C10orf90: variants seen among roughly 807,000 people sequenced by gnomAD.
C10orf90 encodes chromosome 10 open reading frame 90.
A neutral mutation model predicts 62.5 loss-of-function variants in C10orf90; 56 were observed. The observed-to-expected ratio is 0.90, with a 90% CI of 0.72 to 1.12. The LOEUF (loss-of-function observed/expected upper bound fraction) is 1.12. C10orf90 is among the 50% of genes most tolerant of loss of function. The pLI is 0.00. For synonymous variants in C10orf90, 386 were observed against 340.4 expected (o/e 1.13, Z -1.47); for missense variants, 970 against 880.4 (o/e 1.10, Z -1.29).
In C10orf90 at chr10:126,504,631, T is replaced by C; in HGVS notation, c.860A>G (p.Gln287Arg). Residue 287 changes from glutamine to arginine, a missense_variant, in exon 4 of 10, where the codon CAG (glutamine) becomes CGG (arginine). Physicochemically the swap from Gln to Arg is conservative, Grantham distance 43 (BLOSUM62 1). Coordinates refer to ENST00000488181, the MANE Select transcript of C10orf90 (RefSeq NM_001350921.2). The surrounding 1 kb of genome is among the most constrained non-coding windows in gnomAD (Gnocchi z 4.1). Reference protein sequence around the residue: ...LANGAHPGRHQRSFACTEFSR... With the variant: ...LANGAHPGRHRRSFACTEFSR... ...GAACTCTGTGCAGGCAAAAGATCTC[T>C]GATGCCGACCTGGATGGGCGCCATT... is the stretch of plus-strand genomic sequence containing the variant. 1 of 1,614,240 alleles carries C rather than the reference T, an allele frequency of 6.2e-7. No individual in the cohort carries two copies. The highest frequency in any genetic ancestry group is 8.5e-7 in the Non-Finnish European group (1 of 1,180,052).
intron 4 of C10orf90, among the ~76,000 whole-genome samples, chr10:126,491,640 C>T (rs1307629694): frequency 2.0e-5 from 3 of 152,242 alleles, no homozygotes; most frequent in South Asian, 2.1e-4. Context: ...CCTTCAAATC[C>T]GCAGACGGAA....
intron 4 of C10orf90, among the ~76,000 whole-genome samples, chr10:126,493,078 C>T (rs1473542836): frequency 6.6e-6 from 1 of 150,878 alleles, no homozygotes; most frequent in Non-Finnish European, 1.5e-5. Context: ...GTTCGTTCGA[C>T]AGGTACTGGA....
At chr10:126,593,777 T>G (rs568706053) in intron 2 of C10orf90, among the ~76,000 whole-genome samples, 1 of 150,506 alleles carries the variant, frequency 6.6e-6, no homozygotes, top group South Asian at 2.1e-4. Flanking sequence ...CCTGTAGTTT[T>G]AAAAAGTTTT....
chr10:126,557,423 T>C (rs1864801985), intron 2 of C10orf90, among the ~76,000 whole-genome samples: 1 of 147,468 alleles, frequency 6.8e-6, no homozygotes, highest in Non-Finnish European at 1.5e-5. Context: ...GAGCTTGCAG[T>C]GAGCGGAGAT....
intron 4 of C10orf90, among the ~76,000 whole-genome samples, chr10:126,475,466 A>G (rs949384356): frequency 2.6e-5 from 4 of 152,198 alleles, no homozygotes; most frequent in Non-Finnish European, 5.9e-5. Flanking sequence ...ATATTGGCAC[A>G]TCGACTCACC....
chr10:126,584,717 A>C (rs1169021777), intron 2 of C10orf90, among the ~76,000 whole-genome samples: 1 of 152,114 alleles, frequency 6.6e-6, no homozygotes, highest in African/African-American at 2.4e-5. Flanking sequence ...AGAGGAGCTG[A>C]TTTCTGGAAC....
intron 3 of C10orf90, among the ~76,000 whole-genome samples, chr10:126,507,606 C>T (rs12780692): frequency 2.0e-5 from 3 of 151,978 alleles, no homozygotes; most frequent in South Asian, 4.2e-4. Flanking sequence ...TCACATCATG[C>T]GTTGCTTCCT....
intron 8 of C10orf90, among the ~76,000 whole-genome samples, chr10:126,427,299 C>T (rs1402492312): frequency 2.6e-5 from 4 of 152,236 alleles, no homozygotes; most frequent in Non-Finnish European, 5.9e-5. Flanking sequence ...AGGCATGTCT[C>T]AAAGCTCTGC....
chr10:126,639,527 T>C (rs1846018300), intron 2 of C10orf90, among the ~76,000 whole-genome samples: 1 of 152,114 alleles, frequency 6.6e-6, no homozygotes, highest in South Asian at 2.1e-4. Context: ...ATTGAAATCA[T>C]GGGTAGGTCT....
At chr10:126,524,753 G>A (rs1313157758) in intron 2 of C10orf90, 2 of 985,392 alleles carry the variant, frequency 2.0e-6, no homozygotes, top group African/African-American at 1.7e-5. Flanking sequence ...CCCCTAGGGT[G>A]CCATCTAGCT....
intron 2 of C10orf90, among the ~76,000 whole-genome samples, chr10:126,547,210 G>A (rs990141746): frequency 1.3e-5 from 2 of 152,108 alleles, no homozygotes; most frequent in Non-Finnish European, 2.9e-5. Context: ...AGGAGGTCAG[G>A]AGATCGAGAC....
intron 2 of C10orf90, among the ~76,000 whole-genome samples, chr10:126,582,973 A>G (rs1394565228): frequency 6.6e-6 from 1 of 152,168 alleles, no homozygotes; most frequent in Non-Finnish European, 1.5e-5. Flanking sequence ...GGTTGGCACT[A>G]TTGATATTTG....
intron 7 of C10orf90, among the ~76,000 whole-genome samples, chr10:126,446,848 TA>T (rs1191353434): frequency 6.6e-6 from 1 of 151,904 alleles, no homozygotes; most frequent in African/African-American, 2.4e-5. Flanking sequence ...AAAAAATATA[TA>T]AAAATATGTA....
At chr10:126,465,832 G>A (rs1023512582) in intron 4 of C10orf90, among the ~76,000 whole-genome samples, 29 of 152,300 alleles carry the variant, frequency 1.9e-4, no homozygotes, top group Admixed American at 2.6e-4. Context: ...TTGTGTGGAT[G>A]TGGGTTAATC....
At chr10:126,436,488 G>C (rs138516469) in intron 7 of C10orf90, among the ~76,000 whole-genome samples, 7 of 152,082 alleles carry the variant, frequency 4.6e-5, no homozygotes, top group African/African-American at 1.7e-4. Context: ...ATGTATATAT[G>C]ATGATTTCTT....
At chr10:126,429,497 C>T (rs957612717) in intron 8 of C10orf90, among the ~76,000 whole-genome samples, 1 of 152,220 alleles carries the variant, frequency 6.6e-6, no homozygotes, top group Non-Finnish European at 1.5e-5. Flanking sequence ...TACTAATATG[C>T]AGGAGTTCCA....
chr10:126,642,245 A>G lies in C10orf90; in HGVS notation c.313+4320T>C, dbSNP rs150796432. ...CTGGCACTACGTACTTCAATTTAAA[A>G]GACAAGGCTGGGTGCGGTGGCTCAC... On this transcript the variant is annotated intron_variant, in intron 2 of 9. Transcript: ENST00000488181. Among the ~76,000 whole-genome samples the G allele has an allele frequency of 7.8e-3, 1,191 of 152,338 alleles. 18 individuals are homozygous for G. Among genetic ancestry groups the G allele is most frequent in the African/African-American group, 0.027 (1,137 of 41,576 alleles).
At chr10:126,631,323 C>G (rs1845846376) in intron 2 of C10orf90, among the ~76,000 whole-genome samples, 1 of 152,118 alleles carries the variant, frequency 6.6e-6, no homozygotes, top group Non-Finnish European at 1.5e-5. Flanking sequence ...TGAGTTTTAT[C>G]TTGGCTCCTT....
chr10:126,466,369 CAA>C (rs1274044118), intron 4 of C10orf90, among the ~76,000 whole-genome samples: 2 of 120,076 alleles, frequency 1.7e-5, no homozygotes, highest in African/African-American at 7.9e-5. Flanking sequence ...CACACACACA[CAA>C]ACACACACAC....
Sources: allele counts gnomAD v4.1 joint callset (sites outside exome capture counted in the v4.1 genomes callset), GRCh38; gene constraint gnomAD v4.1.1; non-coding constraint Gnocchi (gnomAD v3.1); transcripts MANE v1.5; gene names NCBI Gene and HGNC (gene_info 2026-07-23, HGNC 2026-07-21).